The following ZC3H12B variants were observed in gnomAD, a reference collection of about 807,000 sequenced individuals.
ZC3H12B encodes probable ribonuclease ZC3H12B.
Under a neutral mutation model 43.9 loss-of-function variants are expected in ZC3H12B, and 7 were observed. The observed-to-expected ratio is 0.16, with a 90% confidence interval of 0.09 to 0.30. The LOEUF (loss-of-function observed/expected upper bound fraction) is 0.30. ZC3H12B is among the 10% of genes least tolerant of loss of function. The pLI is 1.00. For synonymous variants in ZC3H12B, 222 were observed against 241.7 expected, an observed-to-expected ratio of 0.92 and a Z score of 0.76; for missense variants, 475 against 670.2, an observed-to-expected ratio of 0.71 and a Z score of 3.22.
At chrX:65,046,490 T>G in the ZC3H12B span, among the ~76,000 whole-genome samples, 1 of 111,663 alleles carries the variant, frequency 9.0e-6, no homozygotes, top group Non-Finnish European at 1.9e-5. Context: ...TTCACCTCCC[T>G]CAGCCTTCAT....
the ZC3H12B span, among the ~76,000 whole-genome samples, chrX:65,329,380 A>G: frequency 9.1e-6 from 1 of 109,782 alleles, no homozygotes; most frequent in Non-Finnish European, 1.9e-5. Context: ...TCCTTCACCC[A>G]CTTTTTGATG....
At chrX:65,258,943 C>T in the ZC3H12B span, among the ~76,000 whole-genome samples, 1 of 111,812 alleles carries the variant, frequency 8.9e-6, no homozygotes, top group Admixed American at 9.5e-5. Flanking sequence ...GAGAAGCATT[C>T]CGTGCTCATG....
the ZC3H12B span, among the ~76,000 whole-genome samples, chrX:65,175,836 A>T: frequency 8.9e-6 from 1 of 112,042 alleles, no homozygotes; most frequent in African/African-American, 3.2e-5. Flanking sequence ...AAACTGTGCC[A>T]TGAGAGACGC....
intron 3 of ZC3H12B, among the ~76,000 whole-genome samples, chrX:65,460,985 T>G (rs2067735011): frequency 9.0e-6 from 1 of 111,638 alleles, no homozygotes; most frequent in African/African-American, 3.3e-5. Flanking sequence ...ATATCCAGAA[T>G]CTACAATGAA....
chrX:65,448,409 A>C (rs962869198), intron 3 of ZC3H12B, among the ~76,000 whole-genome samples: 8 of 112,096 alleles, frequency 7.1e-5, no homozygotes, highest in Non-Finnish European at 1.5e-4. Flanking sequence ...CCCTTCTTTA[A>C]AGGAAAAGAA....
intron 3 of ZC3H12B, among the ~76,000 whole-genome samples, chrX:65,423,281 T>G (rs768247726): frequency 8.9e-6 from 1 of 112,006 alleles, no homozygotes; most frequent in African/African-American, 3.3e-5. Context: ...TTGGGTTGGT[T>G]CCAAGTCTTT....
the ZC3H12B span, among the ~76,000 whole-genome samples, chrX:65,180,210 C>T: frequency 8.9e-6 from 1 of 111,995 alleles, no homozygotes; most frequent in Non-Finnish European, 1.9e-5. Flanking sequence ...ATACGCAAAT[C>T]ATTAAACATA....
chrX:65,411,057 A>T (rs191293324), intron 3 of ZC3H12B, among the ~76,000 whole-genome samples: 1 of 112,553 alleles, frequency 8.9e-6, no homozygotes, highest in African/African-American at 3.2e-5. Flanking sequence ...GAAGCAACCT[A>T]AGTATCCATC....
At chrX:65,157,572 T>C in the ZC3H12B span, among the ~76,000 whole-genome samples, 1 of 111,577 alleles carries the variant, frequency 9.0e-6, no homozygotes, top group African/African-American at 3.3e-5. Context: ...GTTTTTACTA[T>C]AGCCATTCTC....
Position 65,461,151 on chromosome X carries a change from G to A in ZC3H12B, n.408-27495G>A, listed in dbSNP as rs376852479. On this transcript the variant is annotated intron_variant and non_coding_transcript_variant, in intron 3 of 5. Coordinates refer to the ZC3H12B transcript ENST00000617377. Reference sequence around the variant, plus strand: ...CAGAGAAATGCAAATCAAAACCACAGTGAGATACCATCTCACACCACTTAG... The same window carrying A: ...CAGAGAAATGCAAATCAAAACCACAATGAGATACCATCTCACACCACTTAG... Among the ~76,000 whole-genome samples, 3 of 112,111 alleles carry A rather than the reference G, an allele frequency of 2.7e-5. No individual in the cohort carries two copies. In the East Asian group the frequency reaches 8.4e-4, roughly 31 times the overall value.
chrX:65,140,340 C>T, the ZC3H12B span, among the ~76,000 whole-genome samples: 1 of 111,261 alleles, frequency 9.0e-6, no homozygotes, highest in Non-Finnish European at 1.9e-5. Context: ...CTTTTCTGAT[C>T]TATTTAGATG....
At chrX:65,273,025 C>T in the ZC3H12B span, 1 of 112,245 alleles carries the variant, frequency 8.9e-6, no homozygotes, top group Non-Finnish European at 1.9e-5. Flanking sequence ...AAACACTTAA[C>T]ATTCTGGATA....
At chrX:65,244,623 G>C in the ZC3H12B span, among the ~76,000 whole-genome samples, 1 of 102,985 alleles carries the variant, frequency 9.7e-6, no homozygotes, top group Non-Finnish European at 2.0e-5. Flanking sequence ...CTGTGGTCTC[G>C]AGAGGCTGAA....
chrX:65,274,640 C>T, the ZC3H12B span, among the ~76,000 whole-genome samples: 2 of 109,289 alleles, frequency 1.8e-5, no homozygotes, highest in African/African-American at 6.7e-5. Flanking sequence ...TCTGAACCTC[C>T]AAGAAGCTGA....
chrX:65,159,741 G>T, the ZC3H12B span, among the ~76,000 whole-genome samples: 1 of 111,721 alleles, frequency 9.0e-6, no homozygotes, highest in South Asian at 3.7e-4. Context: ...TTTCCTAATT[G>T]AATAACCTTT....
the ZC3H12B span, among the ~76,000 whole-genome samples, chrX:65,291,557 A>C: frequency 8.9e-6 from 1 of 112,411 alleles, no homozygotes; most frequent in Middle Eastern, 4.6e-3. Flanking sequence ...AATGACAATT[A>C]CTATATGCTT....
chrX:65,179,605 TAAA>T, the ZC3H12B span, among the ~76,000 whole-genome samples: 1 of 109,476 alleles, frequency 9.1e-6, no homozygotes, highest in African/African-American at 3.3e-5. Flanking sequence ...GCCAGACTAA[TAAA>T]GAAGAAAAGG....
chrX:65,059,410 G>C, the ZC3H12B span, among the ~76,000 whole-genome samples: 9 of 111,654 alleles, frequency 8.1e-5, no homozygotes, highest in South Asian at 3.4e-3. Context: ...TATGGGAAGA[G>C]TAGAGGTCTA....
At chrX:65,350,192 G>T in the ZC3H12B span, among the ~76,000 whole-genome samples, 1 of 111,908 alleles carries the variant, frequency 8.9e-6, no homozygotes, top group African/African-American at 3.2e-5. Context: ...GGGATGCAAG[G>T]CTGGTTCAAC....
Sources: allele counts gnomAD v4.1 joint callset (sites outside exome capture counted in the v4.1 genomes callset), GRCh38; gene constraint gnomAD v4.1.1; transcripts MANE v1.5; gene names NCBI Gene and HGNC (gene_info 2026-07-23, HGNC 2026-07-21).